TFAP4: variants seen among roughly 807,000 people sequenced by gnomAD.
The protein encoded by TFAP4 is activating enhancer-binding protein 4.
A neutral mutation model predicts 40.4 loss-of-function variants in TFAP4; 7 were observed. The observed-to-expected ratio is 0.17, with a 90% CI of 0.10 to 0.33. The LOEUF (loss-of-function observed/expected upper bound fraction) is 0.33, where lower values mean the gene tolerates loss of function less well. TFAP4 is among the 10% of genes least tolerant of loss of function. The probability of loss-of-function intolerance (pLI) is 1.00; values close to 1 mark genes in which losing one functional copy is unlikely to be tolerated. For missense variants in TFAP4, 374 were observed against 451.1 expected (o/e 0.83, Z 1.55); for synonymous variants, 218 against 181.4 (o/e 1.20, Z -1.62).
Position 4,257,324 on chromosome 16 carries a change from A to AAG in TFAP4, c.*730_*731insCT, listed in dbSNP as rs1555458846. 6 of 151,320 alleles carry AAG rather than the reference A, an allele frequency of 4.0e-5. No homozygotes were observed. Among genetic ancestry groups the AAG allele is most frequent in the South Asian group, 4.2e-4 (2 of 4,816 alleles). The allele number at this position is 151,320 out of a possible 1,614,324, so 9.4% of individuals were successfully genotyped here. On this transcript the variant is annotated 3_prime_UTR_variant, in exon 7 of 7. Coordinates refer to ENST00000204517, the MANE Select transcript of TFAP4 (RefSeq NM_003223.3). Reference sequence around the variant, plus strand: ...ACCTCAAAATTGTAAAAAAAAAAAAAAAAGAAAGAAAAAAAAGAAAAACAA... The same window carrying AAG: ...ACCTCAAAATTGTAAAAAAAAAAAAAAGAAAGAAAGAAAAAAAAGAAAAACAA...
intron 1 of TFAP4, chr16:4,265,422 T>A (rs2052984934): frequency 6.6e-6 from 1 of 152,476 alleles, no homozygotes; most frequent in Non-Finnish European, 1.5e-5. Context: ...AAGACCAGCC[T>A]GGGCAACATA....
At chr16:4,265,655 T>C (rs1297490649) in intron 1 of TFAP4, 2 of 119,566 alleles carry the variant, frequency 1.7e-5, no homozygotes, top group South Asian at 5.9e-4. Flanking sequence ...CATTCGGAAA[T>C]CGCTGTAATC....
rs1567199514 is a variant in TFAP4 at position 4,258,315 on chromosome 16, G to A, written c.823-66C>T. 2.1e-6 allele frequency: 3 copies of A among 1,452,926 alleles called. No individual in the cohort carries two copies. The East Asian group carries it at 7.1e-5, about 35-fold the overall frequency. 90.0% of individuals were successfully genotyped at this position (1,452,926 alleles called of 1,614,324 possible). A position where few individuals can be genotyped will look rare whatever the true frequency, so the allele number is the denominator to read the frequency against. ...ACATGGCCAGCCAGGAGACAGTGGGGGCTCTCAGCCAGCCACTGTCACCCC... is the reference window on the plus strand; with the variant it reads ...ACATGGCCAGCCAGGAGACAGTGGGAGCTCTCAGCCAGCCACTGTCACCCC... On this transcript the variant is annotated intron_variant, in intron 6 of 6. Transcript: ENST00000204517.
intron 1 of TFAP4, among the ~76,000 whole-genome samples, chr16:4,271,408 G>T (rs1017072660): frequency 1.3e-5 from 2 of 152,220 alleles, no homozygotes; most frequent in Non-Finnish European, 2.9e-5. Flanking sequence ...GCAGGAAAGG[G>T]GCCACAGGTC....
intron 5 of TFAP4, 83 bp downstream of exon 5, chr16:4,260,372 G>A (rs2052935987): frequency 6.6e-7 from 1 of 1,513,146 alleles, no homozygotes; most frequent in Non-Finnish European, 8.8e-7. Context: ...AGAGGACGTG[G>A]CCTAGGGAGA....
chr16:4,272,581 C>T, intron 1 of TFAP4, 77 bp downstream of exon 1: 2 of 1,205,162 alleles, frequency 1.7e-6, no homozygotes, highest in Admixed American at 2.6e-5. Flanking sequence ...CATGCGTGCG[C>T]ACACGCGCGC....
Position 4,261,837 on chromosome 16 carries a change from A to G in TFAP4, c.467T>C (p.Ile156Thr). 1.2e-6 allele frequency: 2 copies of G among 1,612,924 alleles called. No individual in the cohort carries two copies. The highest frequency in any genetic ancestry group is 2.2e-5 in the East Asian group (1 of 44,838). ...CTTGTCCAGCTGCTGCCGCAGCTCAATCATCTCCCGCCGCAGGTCCTCCGC... is the reference window on the plus strand; with the variant it reads ...CTTGTCCAGCTGCTGCCGCAGCTCAGTCATCTCCCGCCGCAGGTCCTCCGC... Reference protein sequence around the residue: ...EKAEDLRREMIELRQQLDKER... With the variant: ...EKAEDLRREMTELRQQLDKER... Residue 156 changes from isoleucine (I) to threonine (T), a missense_variant, in exon 4 of 7, where the codon ATT becomes ACT. By Grantham distance (89) the Ile-to-Thr change is moderately conservative (BLOSUM62 -1). This residue lies in a region of TFAP4 where 161 missense variants were observed against 154.2 expected (regional missense o/e 1.04). Coordinates refer to ENST00000204517, the MANE Select transcript of TFAP4 (RefSeq NM_003223.3).
chr16:4,271,253 C>G (rs2053037865), intron 1 of TFAP4, among the ~76,000 whole-genome samples: 1 of 152,232 alleles, frequency 6.6e-6, no homozygotes, highest in African/African-American at 2.4e-5. Context: ...ACCTTCCCTC[C>G]AGGCCGGATT....
chr16:4,267,933 C>G (rs2053010412), intron 1 of TFAP4: 1 of 152,730 alleles, frequency 6.5e-6, no homozygotes, highest in Non-Finnish European at 1.5e-5. Context: ...ACACCATGCC[C>G]AGGCTGTTGC....
At chr16:4,268,149 G>C (rs760538977) in intron 1 of TFAP4, 2 of 152,280 alleles carry the variant, frequency 1.3e-5, no homozygotes, top group African/African-American at 4.8e-5. Flanking sequence ...ATCAAGAAAG[G>C]CCAGGCACGG....
chr16:4,257,711 T>G lies in TFAP4; in HGVS notation c.*344A>C. The G allele has an allele frequency of 4.8e-6, 1 of 209,508 alleles. No individual in the cohort carries two copies. The highest frequency in any genetic ancestry group is 9.6e-6 in the Non-Finnish European group (1 of 104,048). The allele number at this position is 209,508 out of a possible 1,614,324, so 13.0% of individuals were successfully genotyped here. On this transcript the variant is annotated 3_prime_UTR_variant, in exon 7 of 7. Transcript: ENST00000204517. ...GGCAGGGAAGAAATAACCTGGGGTT[T>G]TGTTTAATTTTCCCTGTTCTTAAAA... is the stretch of plus-strand genomic sequence containing the variant.
Position 4,257,938 on chromosome 16 carries a change from A to G in TFAP4, c.*117T>C. On this transcript the variant is annotated 3_prime_UTR_variant, in exon 7 of 7. Coordinates refer to ENST00000204517, the MANE Select transcript of TFAP4 (RefSeq NM_003223.3). Reference sequence around the variant, plus strand: ...AGTATTGAAAAAGAGGTCATAAAAGAGACCCAAATGACATCGTAATTTTGT... The same window carrying G: ...AGTATTGAAAAAGAGGTCATAAAAGGGACCCAAATGACATCGTAATTTTGT... 6.0e-6 allele frequency: 6 copies of G among 1,000,498 alleles called. No homozygotes were observed. The highest frequency in any genetic ancestry group is 8.6e-6 in the Non-Finnish European group (6 of 694,800). 62.0% of individuals were successfully genotyped at this position (1,000,498 alleles called of 1,614,324 possible).
rs1240401847 is a variant in TFAP4, at chr16:4,261,936, G to A, written c.368C>T (p.Ser123Leu). The change falls in exon 4 of 7, where the codon TCG becomes TTG. Residue 123 changes from serine (S) to leucine (L), a missense_variant. Transcript: ENST00000204517. ...CTCTGCCCGCCGTCGCTTGGGGGAC[G>A]AGCCGCTCAGCTCCTGGGGACCCCA... ...LKRFIQELSG[S>L]SPKRRRAEDK... The A allele has an allele frequency of 2.5e-6, 4 of 1,608,292 alleles. No homozygotes were observed. Among genetic ancestry groups the A allele is most frequent in the Non-Finnish European group, 2.5e-6 (3 of 1,177,928 alleles).
Position 4,257,311 on chromosome 16 carries a change from T to TAAAAAAAAAAAAAAAAAAAAGAAA in TFAP4, c.*743_*744insTTTCTTTTTTTTTTTTTTTTTTTT, listed in dbSNP as rs34634533. 8.7e-6 allele frequency: 1 copy of TAAAAAAAAAAAAAAAAAAAAGAAA among 114,782 alleles called. No homozygotes were observed. The highest frequency in any genetic ancestry group is 1.8e-5 in the Non-Finnish European group (1 of 55,872). 7.1% of individuals were successfully genotyped at this position (114,782 alleles called of 1,614,324 possible). On this transcript the variant is annotated 3_prime_UTR_variant, in exon 7 of 7. Coordinates refer to ENST00000204517, the MANE Select transcript of TFAP4 (RefSeq NM_003223.3). ...CTTGAACACGAAGACCTCAAAATTGTAAAAAAAAAAAAAAAAGAAAGAAAA... is the reference window on the plus strand; with the variant it reads ...CTTGAACACGAAGACCTCAAAATTGTAAAAAAAAAAAAAAAAAAAAGAAAAAAAAAAAAAAAAAAAGAAAGAAAA...
In TFAP4 at chr16:4,258,426, T is replaced by C. The variant is rs1326049156; in HGVS notation, c.823-177A>G. 8.6e-6 allele frequency: 5 copies of C among 583,748 alleles called. No individual in the cohort carries two copies. In the Admixed American group the frequency reaches 1.0e-4, roughly 12 times the overall value. The allele number at this position is 583,748 out of a possible 1,614,324, so 36.2% of individuals were successfully genotyped here. On this transcript the variant is annotated intron_variant, in intron 6 of 6. Transcript: ENST00000204517. ...GGAAAAACAAACTCCTTTTACTTTT[T>C]TTTTGGAGACAAGCTCTCGCTATAT...
intron 1 of TFAP4, among the ~76,000 whole-genome samples, chr16:4,270,167 A>G (rs113507774): frequency 6.6e-6 from 1 of 151,006 alleles, no homozygotes; most frequent in Non-Finnish European, 1.5e-5. Flanking sequence ...ACAGAGTGAG[A>G]CTCCGTCTCA....
rs117388563 is a variant in TFAP4, at chr16:4,257,824, C to G, written c.*231G>C. 2.3e-6 allele frequency: 1 copy of G among 442,396 alleles called. No homozygotes were observed. The allele number at this position is 442,396 out of a possible 1,614,324, so 27.4% of individuals were successfully genotyped here. ...CCTCCAGCCCCCGGGGCCGAGGCCCCGCCCTGGGGTGCCGATGCTCCCACA... is the reference window on the plus strand; with the variant it reads ...CCTCCAGCCCCCGGGGCCGAGGCCCGGCCCTGGGGTGCCGATGCTCCCACA... On this transcript the variant is annotated 3_prime_UTR_variant, in exon 7 of 7. Transcript: ENST00000204517.
In TFAP4 at chr16:4,262,441, CG is replaced by C; in HGVS notation, c.256-20del. The C allele has an allele frequency of 1.9e-6, 3 of 1,614,010 alleles. No homozygotes were observed. The highest frequency in any genetic ancestry group is 2.5e-6 in the Non-Finnish European group (3 of 1,179,962). The stretch of plus-strand genomic sequence containing the variant: ...TGGCTGCCTGAGGGCGTGGAAAAGC[CG>C]AGAGTCAGGCTGGCAGTGTTTACCA... On this transcript the variant is annotated intron_variant, in intron 2 of 6. Transcript: ENST00000204517.
At chr16:4,268,628 G>A (rs1468326130) in intron 1 of TFAP4, among the ~76,000 whole-genome samples, 8 of 151,764 alleles carry the variant, frequency 5.3e-5, no homozygotes, top group Admixed American at 3.9e-4. Context: ...TCTCACTCCC[G>A]TCACCCAAGC....
Sources: gnomAD v4.1 joint callset for allele counts (sites outside exome capture counted in the v4.1 genomes callset) on GRCh38, gnomAD v4.1.1 for gene constraint, gnomAD v4.1.1 regional missense constraint, MANE v1.5 for transcripts, NCBI Gene and HGNC (gene_info 2026-07-23, HGNC 2026-07-21) for gene names.